Variants in RGS9 observed in about 807,000 individuals in gnomAD.
The protein encoded by RGS9 is regulator of G protein signaling 9.
Under a neutral mutation model 102.0 loss-of-function variants are expected in RGS9, and 78 were observed. The ratio of observed to expected loss-of-function variants is 0.76; its 90% CI spans 0.64 to 0.92. RGS9 has a LOEUF of 0.92. Ranked by LOEUF, RGS9 falls within the 40% of genes least tolerant of loss-of-function variation. The probability of loss-of-function intolerance (pLI) is 0.00; values close to 1 mark genes in which losing one functional copy is unlikely to be tolerated. For synonymous variants in RGS9, 353 were observed against 318.6 expected, an observed-to-expected ratio of 1.11 and a Z score of -1.15; for missense variants, 833 against 866.1, an observed-to-expected ratio of 0.96 and a Z score of 0.48.
At chr17:65,187,816 T>C (rs1445617164) in intron 9 of RGS9, among the ~76,000 whole-genome samples, 1 of 152,132 alleles carries the variant, frequency 6.6e-6, no homozygotes, top group Non-Finnish European at 1.5e-5. Context: ...GCCAACATGG[T>C]AAAACCCCGT....
rs1333822796 is a variant in RGS9 at position 65,210,488 on chromosome 17, C to T, written c.1290C>T (p.Ser430=). 6.2e-7 allele frequency: 1 copy of T among 1,613,012 alleles called. No individual in the cohort carries two copies. Among genetic ancestry groups the T allele is most frequent in the African/African-American group, 1.3e-5 (1 of 74,882 alleles). Residue 430 remains serine (S), a splice_region_variant and synonymous_variant, in exon 17 of 19, where the codon AGC becomes AGT. Transcript: ENST00000262406. ...AIEPQETTKK[S]STLPFMRRHL... ...ACCACCAATCTGTCCTTCCTTCCAG[C>T]TCCACCCTCCCTTTTATGCGGCGTC...
intron 15 of RGS9, among the ~76,000 whole-genome samples, chr17:65,205,819 A>G (rs1239460250): frequency 6.6e-6 from 1 of 151,876 alleles, no homozygotes; most frequent in African/African-American, 2.4e-5. Context: ...TATGATATAG[A>G]TTATATGATA....
At chr17:65,194,724 GGA>G (rs1912517725) in intron 12 of RGS9, among the ~76,000 whole-genome samples, 2 of 152,070 alleles carry the variant, frequency 1.3e-5, no homozygotes, top group Non-Finnish European at 2.9e-5. Flanking sequence ...CAAATTAGAG[GGA>G]GAGAGAGAGG....
intron 6 of RGS9, among the ~76,000 whole-genome samples, chr17:65,161,947 C>T (rs1911002273): frequency 6.6e-6 from 1 of 151,986 alleles, no homozygotes; most frequent in Non-Finnish European, 1.5e-5. Context: ...ATCCATCCAC[C>T]TCAGCCTCCC....
At chr17:65,218,063 C>T (rs753164537) in intron 17 of RGS9, among the ~76,000 whole-genome samples, 2 of 152,114 alleles carry the variant, frequency 1.3e-5, no homozygotes, top group African/African-American at 2.4e-5. Context: ...GGATGCTGAA[C>T]CAAACAGTTG....
chr17:65,199,770 A>G (rs1465441172), intron 13 of RGS9, among the ~76,000 whole-genome samples: 1 of 152,160 alleles, frequency 6.6e-6, no homozygotes, highest in Non-Finnish European at 1.5e-5. Flanking sequence ...CTGGGATTAC[A>G]GGCGTGAGCC....
chr17:65,197,352 C>A, intron 13 of RGS9, 111 bp downstream of exon 13: 1 of 760,340 alleles, frequency 1.3e-6, no homozygotes, highest in Non-Finnish European at 2.3e-6. Context: ...CAGAGCTTTG[C>A]TTATGCCCTT....
chr17:65,225,568 G>T, intron 18 of RGS9, 82 bp downstream of exon 18: 5 of 1,590,142 alleles, frequency 3.1e-6, no homozygotes. Context: ...CATGCTTTGG[G>T]CTGGGGACTG....
At chr17:65,193,918 G>A (rs1912479219) in intron 12 of RGS9, among the ~76,000 whole-genome samples, 1 of 152,124 alleles carries the variant, frequency 6.6e-6, no homozygotes. Context: ...TGGAATCTGA[G>A]GAATGACAGA....
At chr17:65,181,524 G>A (rs560556356) in intron 9 of RGS9, among the ~76,000 whole-genome samples, 1 of 152,354 alleles carries the variant, frequency 6.6e-6, no homozygotes, top group African/African-American at 2.4e-5. Context: ...CAGCTGGGAG[G>A]GACTGGCCAG....
At chr17:65,183,537 T>A (rs1199742373) in intron 9 of RGS9, among the ~76,000 whole-genome samples, 2 of 152,192 alleles carry the variant, frequency 1.3e-5, no homozygotes, top group African/African-American at 4.8e-5. Context: ...GCTCAAGCGA[T>A]CCACCTGCCT....
At chr17:65,141,550 A>G (rs1254766373) in intron 1 of RGS9, among the ~76,000 whole-genome samples, 6 of 152,206 alleles carry the variant, frequency 3.9e-5, no homozygotes, top group East Asian at 1.9e-4. Flanking sequence ...CAATACAGAC[A>G]TATAATTGGG....
chr17:65,215,154 T>G (rs1057137066), intron 17 of RGS9, among the ~76,000 whole-genome samples: 1 of 151,856 alleles, frequency 6.6e-6, no homozygotes, highest in African/African-American at 2.4e-5. Context: ...AGTTAAGAAG[T>G]GGTTGCTGTG....
chr17:65,160,447 A>G (rs1910936836), intron 4 of RGS9, 89 bp from the exon 5 acceptor site: 6 of 1,577,714 alleles, frequency 3.8e-6, no homozygotes, highest in Non-Finnish European at 5.2e-6. Flanking sequence ...GGAGGGGGCC[A>G]AGGTGGTTGG....
intron 17 of RGS9, among the ~76,000 whole-genome samples, chr17:65,223,102 C>T (rs980880446): frequency 6.6e-6 from 1 of 152,178 alleles, no homozygotes; most frequent in African/African-American, 2.4e-5. Flanking sequence ...GTGGAGCATG[C>T]AATAATCCAC....
intron 2 of RGS9, among the ~76,000 whole-genome samples, chr17:65,156,618 AACGT>A (rs1910776884): frequency 6.6e-6 from 1 of 152,222 alleles, no homozygotes; most frequent in Admixed American, 6.5e-5. Flanking sequence ...CCAGGCTGTC[AACGT>A]AGACCGCGTG....
At chr17:65,188,674 A>G (rs1446296032) in intron 9 of RGS9, 3 of 156,192 alleles carry the variant, frequency 1.9e-5, no homozygotes, top group South Asian at 1.9e-4. Context: ...ATGCAGTGGC[A>G]TGATCATAGC....
rs1485761346 is a variant in RGS9 at position 65,160,315 on chromosome 17, T to C, written c.288T>C (p.Pro96=). 6.2e-7 allele frequency: 1 copy of C among 1,614,044 alleles called. No individual in the cohort carries two copies. Among genetic ancestry groups the C allele is most frequent in the East Asian group, 2.2e-5 (1 of 44,894 alleles). ...ACCCCAAGAATCTCATTCTCAAGCC[T>C]GATGGCAGCCTCTACAGATTTCAGG... The part of the protein sequence containing the change: ...LQDPKNLILK[P]DGSLYRFQTP... The change falls in exon 4 of 19, where the codon CCT becomes CCC. Residue 96 remains proline (P), a synonymous_variant. Coordinates refer to ENST00000262406, the MANE Select transcript of RGS9 (RefSeq NM_003835.4).
intron 8 of RGS9, among the ~76,000 whole-genome samples, chr17:65,176,781 A>T (rs1159721132): frequency 6.9e-6 from 1 of 144,806 alleles, no homozygotes; most frequent in African/African-American, 2.6e-5. Flanking sequence ...CTATCTCTTC[A>T]CCTATCCATT....
Sources: gnomAD v4.1 joint callset for allele counts (sites outside exome capture counted in the v4.1 genomes callset) on GRCh38, gnomAD v4.1.1 for gene constraint, MANE v1.5 for transcripts, NCBI Gene and HGNC (gene_info 2026-07-23, HGNC 2026-07-21) for gene names.